VRTN: variants seen among roughly 807,000 people sequenced by gnomAD.
VRTN encodes the protein vertnin.
VRTN carries 5 observed loss-of-function variants against 18.2 expected under a neutral mutation model. The ratio of observed to expected loss-of-function variants is 0.27; its 90% CI spans 0.14 to 0.58. The LOEUF (loss-of-function observed/expected upper bound fraction) is 0.58, where lower values mean the gene tolerates loss of function less well. Among genes scored for constraint, VRTN ranks in the 20% least tolerant of loss-of-function variants. The pLI is 0.91. For missense variants in VRTN, 741 were observed against 939.4 expected (o/e 0.79, Z 2.76); for synonymous variants, 381 against 393.7 (o/e 0.97, Z 0.38).
chr14:74,354,919 A>T (rs1455047835), intron 1 of VRTN, among the ~76,000 whole-genome samples: 1 of 151,920 alleles, frequency 6.6e-6, no homozygotes, highest in Non-Finnish European at 1.5e-5. Context: ...AGGCGGGCAG[A>T]TCATTTGAGG....
chr14:74,328,197 G>A (rs1231784578), intron 1 of VRTN, among the ~76,000 whole-genome samples: 1 of 152,174 alleles, frequency 6.6e-6, no homozygotes, highest in Non-Finnish European at 1.5e-5. Flanking sequence ...TGCAGGGTGA[G>A]GACGGAAGAC....
At position 74,332,363 on chromosome 14, in the gene VRTN, T is replaced by G. The variant is rs958695282; in HGVS notation, c.-163-5360T>G. ...TTTTTTTTTTTTTTTTTTTTTTTTT[T>G]TTTTTTTTTTTTTAGATGGAGTTTT... On this transcript the variant is annotated intron_variant, in intron 1 of 2. Transcript: ENST00000557177. Among the ~76,000 whole-genome samples, 18 of 71,128 alleles carry G rather than the reference T, an allele frequency of 2.5e-4. 1 individual carries two copies. The highest frequency in any genetic ancestry group is 1.1e-3 in the African/African-American group (18 of 16,800). 46.7% of individuals were successfully genotyped at this position (71,128 alleles called of 152,430 possible).
In VRTN at chr14:74,359,167, T is replaced by G. The variant is rs1398921980; in HGVS notation, c.*275T>G. ...ACTGTTATGATTTAGTTTTTGGTTTTGATTTGAGTGGGTTGGTTGGCCCCC... is the reference window on the plus strand; with the variant it reads ...ACTGTTATGATTTAGTTTTTGGTTTGGATTTGAGTGGGTTGGTTGGCCCCC... On this transcript the variant is annotated 3_prime_UTR_variant, in exon 2 of 2. Transcript: ENST00000256362. 2.0e-6 allele frequency: 1 copy of G among 503,222 alleles called. No homozygotes were observed. Among genetic ancestry groups the G allele is most frequent in the East Asian group, 4.5e-5 (1 of 22,086 alleles). The allele number at this position is 503,222 out of a possible 1,614,324, so 31.2% of individuals were successfully genotyped here. A position where few individuals can be genotyped will look rare whatever the true frequency, so the allele number is the denominator to read the frequency against.
chr14:74,314,394 CTTTTTTTTT>C (rs10676222), intron 1 of VRTN, among the ~76,000 whole-genome samples: 9 of 108,824 alleles, frequency 8.3e-5, no homozygotes, highest in African/African-American at 3.3e-4. Flanking sequence ...AAAAACTGTT[CTTTTTTTTT>C]TTTTTTTTTT....
chr14:74,311,912 G>A (rs2085391275), intron 1 of VRTN, among the ~76,000 whole-genome samples: 1 of 151,572 alleles, frequency 6.6e-6, no homozygotes, highest in Admixed American at 6.6e-5. Flanking sequence ...GGTATTACAG[G>A]CATCCGCCAC....
chr14:74,321,528 CAG>C (rs1407235437), intron 1 of VRTN, among the ~76,000 whole-genome samples: 1 of 135,478 alleles, frequency 7.4e-6, no homozygotes, highest in Non-Finnish European at 1.5e-5. Context: ...TTTTTTGAGA[CAG>C]AGTCTTGCTC....
intron 1 of VRTN, among the ~76,000 whole-genome samples, chr14:74,336,717 C>G (rs8016005): frequency 0.29 from 43,569 of 151,534 alleles, 9,647 homozygotes; most frequent in African/African-American, 0.61. Context: ...AGGTTGCGGT[C>G]AGTTGAGATC....
chr14:74,322,657 A>G (rs1355665109), intron 1 of VRTN, among the ~76,000 whole-genome samples: 1 of 152,038 alleles, frequency 6.6e-6, no homozygotes, highest in Non-Finnish European at 1.5e-5. Context: ...GAACTGTCCA[A>G]CCCAACACCC....
chr14:74,347,398 G>A (rs149892243), upstream of VRTN, among the ~76,000 whole-genome samples: 2 of 152,322 alleles, frequency 1.3e-5, no homozygotes, highest in East Asian at 3.9e-4. Flanking sequence ...TTCTTCCAGT[G>A]CCCCTGGGAA....
intron 1 of VRTN, among the ~76,000 whole-genome samples, chr14:74,331,196 C>T (rs112883761): frequency 0.037 from 5,131 of 137,494 alleles, 156 homozygotes; most frequent in African/African-American, 0.09. Context: ...GGTGAGACTC[C>T]GTCTCAAAAA....
intron 2 of VRTN, among the ~76,000 whole-genome samples, chr14:74,340,542 C>CGCATGTCTTTTTGTAAGTG (rs2085597899): frequency 6.6e-6 from 1 of 151,894 alleles, no homozygotes; most frequent in Non-Finnish European, 1.5e-5. Context: ...CATACCCGGC[C>CGCATGTCTTTTTGTAAGTG]AATGAGAAGC....
chr14:74,320,157 C>G (rs950511689), intron 1 of VRTN, among the ~76,000 whole-genome samples: 1 of 151,336 alleles, frequency 6.6e-6, no homozygotes, highest in Non-Finnish European at 1.5e-5. Flanking sequence ...AGCTGAAGTG[C>G]GAGGATTGCT....
Position 74,357,120 on chromosome 14 carries a change from C to G in VRTN, c.337C>G (p.Leu113Val), listed in dbSNP as rs1348079891. The change falls in exon 2 of 2, where the codon CTG (leucine) becomes GTG (valine). Residue 113 changes from leucine to valine, a missense_variant. Transcript: ENST00000256362. This position sits in a 1 kb window ranked among gnomAD's most constrained non-coding sequence, Gnocchi z 7.8. ...GCGGGCCCGCACCGTGGTAGAGATG[C>G]TGCTGCACAGACACTACTACCTCCA... is the stretch of plus-strand genomic sequence containing the variant. ...ELRARTVVEM[L>V]LHRHYYLQGM... The G allele has an allele frequency of 3.7e-6, 6 of 1,600,182 alleles. No homozygotes were observed. In the Admixed American group the frequency reaches 1.0e-4, roughly 27 times the overall value.
intron 2 of VRTN, among the ~76,000 whole-genome samples, chr14:74,340,206 A>C (rs573829484): frequency 6.8e-6 from 1 of 146,478 alleles, no homozygotes; most frequent in African/African-American, 2.6e-5. Context: ...TCCGCCTCCC[A>C]GGTTCAAGCG....
At chr14:74,306,601 T>C (rs2140189798) in intron 1 of VRTN, 1 of 151,232 alleles carries the variant, frequency 6.6e-6, no homozygotes. Context: ...TGTGTGTCTG[T>C]GTATGTGTGG....
upstream of VRTN, among the ~76,000 whole-genome samples, chr14:74,345,313 G>C (rs1471033114): frequency 3.3e-5 from 5 of 150,462 alleles, no homozygotes; most frequent in Non-Finnish European, 7.4e-5. Flanking sequence ...CCAACGTGCT[G>C]GGATTACAGA....
chr14:74,326,468 A>C (rs1312903538), intron 1 of VRTN, among the ~76,000 whole-genome samples: 1 of 152,026 alleles, frequency 6.6e-6, no homozygotes, highest in East Asian at 1.9e-4. Flanking sequence ...GCCCTGGAGG[A>C]TGGAAGCTGA....
chr14:74,320,680 G>A (rs148127092), intron 1 of VRTN, among the ~76,000 whole-genome samples: 3,166 of 135,800 alleles, frequency 0.023, 60 homozygotes, highest in Non-Finnish European at 0.035. Flanking sequence ...TCTACCTCCC[G>A]GGTTCAAGCG....
intron 1 of VRTN, among the ~76,000 whole-genome samples, chr14:74,331,529 CAA>C (rs1327886573): frequency 1.6e-5 from 1 of 63,146 alleles, no homozygotes; most frequent in South Asian, 4.9e-4. Flanking sequence ...AACTCCATCT[CAA>C]AAAAAAAAAA....
Sources: allele counts gnomAD v4.1 joint callset (sites outside exome capture counted in the v4.1 genomes callset), GRCh38; gene constraint gnomAD v4.1.1; non-coding constraint Gnocchi (gnomAD v3.1); transcripts MANE v1.5; gene names NCBI Gene and HGNC (gene_info 2026-07-23, HGNC 2026-07-21).